The following TFF2 variants were observed in gnomAD, a reference collection of about 807,000 sequenced individuals.
TFF2 encodes spasmolysin.
Under a neutral mutation model 16.0 loss-of-function variants are expected in TFF2, and 19 were observed. That is an observed-to-expected ratio of 1.19 (90% CI 0.83 to 1.74). The LOEUF is 1.74. Among genes scored for constraint, TFF2 ranks in the 40% most tolerant of loss-of-function variants. TFF2 has a pLI of 0.00. For missense variants in TFF2, 168 were observed against 166.8 expected (o/e 1.01, Z -0.04); for synonymous variants, 61 against 65.4 (o/e 0.93, Z 0.32).
At chr21:42,350,151 T>C in intron 1 of TFF2, 121 bp from the exon 2 acceptor site, 2 of 1,393,848 alleles carry the variant, frequency 1.4e-6, no homozygotes, top group Non-Finnish European at 1.9e-6. Flanking sequence ...CAAAGTCTTA[T>C]CTTGCCCATA....
intron 3 of TFF2, 127 bp from the exon 4 acceptor site, chr21:42,346,673 C>G: frequency 1.8e-6 from 2 of 1,096,632 alleles, no homozygotes; most frequent in Non-Finnish European, 1.3e-6. Flanking sequence ...GCTCCTTTCC[C>G]GGGGAGGGGG....
rs777998336 is a variant in TFF2, at chr21:42,346,505, C to T, written c.*28G>A. 6.2e-7 allele frequency: 1 copy of T among 1,612,778 alleles called. No homozygotes were observed. The highest frequency in any genetic ancestry group is 1.7e-5 in the Admixed American group (1 of 59,770). On this transcript the variant is annotated 3_prime_UTR_variant, in exon 4 of 4. Transcript: ENST00000291526. ...TTTGGTTTCGGAACACCCGGTGAGC[C>T]AGATGCATCCTCTGGAACCAGCCTC... is the stretch of plus-strand genomic sequence containing the variant.
In TFF2 at chr21:42,350,993, A is replaced by T. The variant is rs763979660; in HGVS notation, c.-36T>A. ...GCTGCACCCCAGGGTGGCTTGCAGAATGCATGGTGTCCACTGCCGGGTATG... is the reference window on the plus strand; with the variant it reads ...GCTGCACCCCAGGGTGGCTTGCAGATTGCATGGTGTCCACTGCCGGGTATG... On this transcript the variant is annotated 5_prime_UTR_variant, in exon 1 of 4. Transcript: ENST00000291526. 5.0e-6 allele frequency: 8 copies of T among 1,596,692 alleles called. No homozygotes were observed. The East Asian group carries it at 1.8e-4, about 36-fold the overall frequency.
chr21:42,350,751 G>A, intron 1 of TFF2, 128 bp downstream of exon 1: 1 of 999,684 alleles, frequency 1.0e-6, no homozygotes, highest in Non-Finnish European at 1.5e-6. Flanking sequence ...CAAATCCCAT[G>A]TGAACAACAC....
Position 42,350,909 on chromosome 21 carries a change from G to T in TFF2, c.49C>A (p.Leu17Ile). The T allele has an allele frequency of 6.2e-7, 1 of 1,613,686 alleles. No individual in the cohort carries two copies. The change falls in exon 1 of 4, where the codon CTA becomes ATA. Residue 17 changes from leucine (L) to isoleucine (I), a missense_variant. Physicochemically the swap from Leu to Ile is conservative, Grantham distance 5. Transcript: ENST00000291526. ...QLLAALLVLG[L>I]CALAGSEKPS... is the part of the protein sequence containing the mutation. ...TTCTCACTCCCCGCCAGGGCACATA[G>T]CCCCAGGACGAGGAGCGCTGCCAGG...
At chr21:42,350,169 A>G in intron 1 of TFF2, 139 bp from the exon 2 acceptor site, 1 of 1,342,474 alleles carries the variant, frequency 7.4e-7, no homozygotes, top group Non-Finnish European at 9.6e-7. Context: ...ATATTTAAGC[A>G]ATGCGGTTTC....
chr21:42,348,415 A>G (rs1601492123), intron 2 of TFF2, among the ~76,000 whole-genome samples: 3 of 152,334 alleles, frequency 2.0e-5, no homozygotes. Flanking sequence ...TCACACTTCA[A>G]AAACTAGAGG....
At chr21:42,350,303 G>T in intron 1 of TFF2, 1 of 615,454 alleles carries the variant, frequency 1.6e-6, no homozygotes, top group Non-Finnish European at 2.2e-6. Flanking sequence ...GAGGCGGGCA[G>T]ATTGCTTGAG....
At chr21:42,349,588 C>A (rs1478662090) in intron 2 of TFF2, among the ~76,000 whole-genome samples, 1 of 152,002 alleles carries the variant, frequency 6.6e-6, no homozygotes, top group Non-Finnish European at 1.5e-5. Flanking sequence ...AACTAACCAA[C>A]CTGGGCTAGC....
At chr21:42,347,775 C>A in intron 2 of TFF2, 143 bp from the exon 3 acceptor site, 3 of 1,073,612 alleles carry the variant, frequency 2.8e-6, no homozygotes, top group African/African-American at 1.6e-5. Context: ...TCCCCCGGGA[C>A]GGCCTCCCCC....
At chr21:42,348,972 A>G (rs1174440936) in intron 2 of TFF2, among the ~76,000 whole-genome samples, 1 of 151,600 alleles carries the variant, frequency 6.6e-6, no homozygotes, top group Non-Finnish European at 1.5e-5. Flanking sequence ...CAGACTAACC[A>G]ACCTGGGCTA....
chr21:42,346,492 A>G lies in TFF2; in HGVS notation c.*41T>C, dbSNP rs2052068921. The G allele has an allele frequency of 6.2e-7, 1 of 1,612,964 alleles. No individual in the cohort carries two copies. The highest frequency in any genetic ancestry group is 2.2e-5 in the East Asian group (1 of 44,838). The stretch of plus-strand genomic sequence containing the variant: ...GCGAAGTTTCTTCTTTGGTTTCGGA[A>G]CACCCGGTGAGCCAGATGCATCCTC... On this transcript the variant is annotated 3_prime_UTR_variant, in exon 4 of 4. Coordinates refer to ENST00000291526, the MANE Select transcript of TFF2 (RefSeq NM_005423.5).
intron 2 of TFF2, among the ~76,000 whole-genome samples, chr21:42,348,433 CTA>C (rs989795633): frequency 1.2e-4 from 18 of 150,754 alleles, no homozygotes; most frequent in South Asian, 2.1e-4. Flanking sequence ...AGGAGACCTA[CTA>C]TATATATATA....
At chr21:42,347,350 C>T in intron 3 of TFF2, 136 bp downstream of exon 3, 2 of 1,137,886 alleles carry the variant, frequency 1.8e-6, no homozygotes, top group Non-Finnish European at 2.5e-6. Context: ...CCTTCAGAAT[C>T]CCATAGGAGG....
At chr21:42,350,212 T>A in intron 1 of TFF2, 182 bp from the exon 2 acceptor site, 1 of 1,253,030 alleles carries the variant, frequency 8.0e-7, no homozygotes, top group Non-Finnish European at 1.0e-6. Context: ...TTGCTGAAAT[T>A]GTTATATTAG....
chr21:42,347,123 C>T (rs1162379444), intron 3 of TFF2, among the ~76,000 whole-genome samples: 2 of 152,174 alleles, frequency 1.3e-5, no homozygotes, highest in East Asian at 3.9e-4. Context: ...TGAGTTGGGC[C>T]CTCTCTGGTA....
chr21:42,350,321 G>T (rs1322441837), intron 1 of TFF2: 2 of 402,446 alleles, frequency 5.0e-6, no homozygotes, highest in Non-Finnish European at 7.3e-6. Flanking sequence ...GAGCTCAGGA[G>T]TTCAAGACCA....
rs140059138 is a variant in TFF2, at chr21:42,349,990, C to T, written c.120G>A (p.Thr40=). The T allele has an allele frequency of 1.3e-3, 2,038 of 1,600,312 alleles. 13 individuals are homozygous for T. Among genetic ancestry groups the T allele is most frequent in the South Asian group, 0.012 (1,053 of 88,348 alleles). Residue 40 remains threonine, a synonymous_variant, in exon 2 of 4, where the codon ACG becomes ACA. Coordinates refer to ENST00000291526, the MANE Select transcript of TFF2 (RefSeq NM_005423.5). ...TGGTGATTCCAGGGAAGCCGCAGTT[C>T]GTCCTGTTATGGGGGCTCAGCCTGG... ...QCSRLSPHNR[T]NCGFPGITSD... is the part of the protein sequence containing the mutation.
chr21:42,350,217 T>C (rs1363313135), intron 1 of TFF2, 187 bp from the exon 2 acceptor site: 29 of 1,235,596 alleles, frequency 2.3e-5, no homozygotes, highest in Admixed American at 3.9e-5. Flanking sequence ...GAAATTGTTA[T>C]ATTAGTTTAA....
Sources: gnomAD v4.1 joint callset for allele counts (sites outside exome capture counted in the v4.1 genomes callset) on GRCh38, gnomAD v4.1.1 for gene constraint, MANE v1.5 for transcripts, NCBI Gene and HGNC (gene_info 2026-07-23, HGNC 2026-07-21) for gene names.